VRK2: variants seen among roughly 807,000 people sequenced by gnomAD.
VRK2 encodes VRK serine/threonine kinase 2.
Under a neutral mutation model 57.6 loss-of-function variants are expected in VRK2, and 60 were observed. The ratio of observed to expected loss-of-function variants is 1.04; its 90% CI spans 0.85 to 1.29. The LOEUF (loss-of-function observed/expected upper bound fraction) is 1.29, where lower values mean the gene tolerates loss of function less well. Among genes scored for constraint, VRK2 ranks in the 50% most tolerant of loss-of-function variants. VRK2 has a pLI of 0.00. For missense variants in VRK2, 705 were observed against 588.1 expected, an observed-to-expected ratio of 1.20 and a Z score of -2.06; for synonymous variants, 231 against 199.2, an observed-to-expected ratio of 1.16 and a Z score of -1.35.
rs1684683424 is a variant in VRK2 at position 58,159,363 on chromosome 2, A to AAGAC, written c.1201_1204dup (p.Lys402ThrfsTer12). On this transcript the variant is annotated frameshift_variant, in exon 13 of 13. Coordinates refer to ENST00000340157, the MANE Select transcript of VRK2 (RefSeq NM_006296.7). LOFTEE classifies it low-confidence loss of function (END_TRUNC). ...TTTTTCCATAGGAAAGCACAAGGAG[A>AAGAC]AGACAGAAATATCAAGAGTCTCAAG... 1.9e-6 allele frequency: 3 copies of AAGAC among 1,606,000 alleles called. No individual in the cohort carries two copies. Among genetic ancestry groups the AAGAC allele is most frequent in the East Asian group, 2.2e-5 (1 of 44,802 alleles).
chr2:58,069,379 A>T (rs1434888030), intron 2 of VRK2, among the ~76,000 whole-genome samples: 2 of 152,144 alleles, frequency 1.3e-5, no homozygotes, highest in African/African-American at 4.8e-5. Flanking sequence ...ACAGCTTGTG[A>T]GTGAGTCCAG....
At chr2:58,136,883 CAT>C (rs1157728090) in intron 10 of VRK2, among the ~76,000 whole-genome samples, 24 of 98,614 alleles carry the variant, frequency 2.4e-4, no homozygotes, top group South Asian at 6.4e-4. Context: ...TATATTATAT[CAT>C]ATATATGTGT....
chr2:58,049,054 G>A, intron 2 of VRK2, 87 bp downstream of exon 2: 1 of 1,460,700 alleles, frequency 6.8e-7, no homozygotes, highest in South Asian at 1.3e-5. Flanking sequence ...ATGGAAATAT[G>A]GAATTCATAT....
chr2:57,998,659 G>A (rs2103618723), intron 1 of VRK2, among the ~76,000 whole-genome samples: 1 of 152,194 alleles, frequency 6.6e-6, no homozygotes, highest in South Asian at 2.1e-4. Context: ...TGAACCATAA[G>A]TTATATCTAT....
chr2:58,039,380 C>CT (rs1553379831), intron 3 of VRK2, among the ~76,000 whole-genome samples: 2 of 152,114 alleles, frequency 1.3e-5, no homozygotes, highest in Non-Finnish European at 2.9e-5. Context: ...CTGTTCTCCA[C>CT]AAAAAACTTT....
chr2:57,945,837 G>A (rs985142871), intron 1 of VRK2, among the ~76,000 whole-genome samples: 5 of 152,116 alleles, frequency 3.3e-5, no homozygotes, highest in Admixed American at 1.3e-4. Context: ...TTTTGGTTAG[G>A]AAATGTAGAG....
intron 9 of VRK2, among the ~76,000 whole-genome samples, chr2:58,134,613 G>A (rs1421612945): frequency 9.7e-6 from 1 of 102,972 alleles, no homozygotes; most frequent in Non-Finnish European, 1.7e-5. Context: ...GCGAGACTCC[G>A]TCTCAAAAAA....
At chr2:57,922,316 T>G (rs557974879) in intron 1 of VRK2, among the ~76,000 whole-genome samples, 1 of 152,164 alleles carries the variant, frequency 6.6e-6, no homozygotes, top group East Asian at 1.9e-4. Context: ...CGTCATCTTT[T>G]TTCAGCTTTA....
At chr2:57,969,064 T>C (rs1023151429) in intron 1 of VRK2, among the ~76,000 whole-genome samples, 9 of 152,124 alleles carry the variant, frequency 5.9e-5, no homozygotes, top group Admixed American at 2.0e-4. Context: ...ATTAATGTAT[T>C]ATAAAATAGA....
intron 10 of VRK2, among the ~76,000 whole-genome samples, chr2:58,139,018 C>T (rs1368465797): frequency 6.6e-6 from 1 of 152,038 alleles, no homozygotes; most frequent in Non-Finnish European, 1.5e-5. Flanking sequence ...TCTAGGGGAA[C>T]ATTTCTTTAC....
At chr2:57,923,501 T>G (rs1215483415) in intron 1 of VRK2, among the ~76,000 whole-genome samples, 1 of 149,834 alleles carries the variant, frequency 6.7e-6, no homozygotes, top group Non-Finnish European at 1.5e-5. Flanking sequence ...TACCTTTTCA[T>G]ATGCCTGTTT....
chr2:58,048,488 C>G, intron 1 of VRK2: 1 of 1,130,128 alleles, frequency 8.8e-7, no homozygotes, highest in South Asian at 1.4e-5. Flanking sequence ...AATTTATTTT[C>G]TTTCTTCATT....
chr2:58,108,561 G>A (rs898424960), intron 7 of VRK2, among the ~76,000 whole-genome samples: 14 of 150,872 alleles, frequency 9.3e-5, no homozygotes, highest in East Asian at 5.9e-4. Context: ...CAACTTCTCC[G>A]CCCTCAACAC....
intron 12 of VRK2, 105 bp downstream of exon 12, chr2:58,146,579 G>T: frequency 7.5e-7 from 1 of 1,332,512 alleles, no homozygotes; most frequent in Non-Finnish European, 1.0e-6. Flanking sequence ...AAGGTTGTAT[G>T]GTTTTGTTAA....
intron 1 of VRK2, among the ~76,000 whole-genome samples, chr2:57,964,423 G>T (rs906193625): frequency 4.6e-5 from 7 of 152,084 alleles, no homozygotes; most frequent in African/African-American, 1.7e-4. Flanking sequence ...AGTTGGTCTT[G>T]CTGTCTCAAG....
intron 1 of VRK2, among the ~76,000 whole-genome samples, chr2:57,912,021 T>A (rs1670000293): frequency 6.6e-6 from 1 of 152,154 alleles, no homozygotes; most frequent in African/African-American, 2.4e-5. Flanking sequence ...ACACAAATCT[T>A]ACTAGACCCC....
At chr2:57,913,699 A>G (rs1162500092) in intron 1 of VRK2, among the ~76,000 whole-genome samples, 1 of 152,136 alleles carries the variant, frequency 6.6e-6, no homozygotes, top group African/African-American at 2.4e-5. Context: ...TAATAATATT[A>G]GGATATTTTC....
At chr2:57,958,936 C>A (rs770537426) in intron 1 of VRK2, among the ~76,000 whole-genome samples, 1 of 152,118 alleles carries the variant, frequency 6.6e-6, no homozygotes, top group Non-Finnish European at 1.5e-5. Context: ...AGTTGACAGT[C>A]TGTAAAGTTT....
intron 2 of VRK2, among the ~76,000 whole-genome samples, chr2:58,052,651 G>A (rs1572862040): frequency 1.3e-5 from 2 of 148,694 alleles, no homozygotes; most frequent in East Asian, 3.9e-4. Context: ...TGATGACAAA[G>A]AACTCCATTG....
Sources: allele counts gnomAD v4.1 joint callset (sites outside exome capture counted in the v4.1 genomes callset), GRCh38; gene constraint gnomAD v4.1.1; transcripts MANE v1.5; gene names NCBI Gene and HGNC (gene_info 2026-07-23, HGNC 2026-07-21).